The following AGR3 variants were observed in gnomAD, a reference collection of about 807,000 sequenced individuals.
AGR3 encodes the protein anterior gradient protein 3.
AGR3 carries 37 observed loss-of-function variants against 24.5 expected under a neutral mutation model. The ratio of observed to expected loss-of-function variants is 1.51; its 90% CI spans 1.16 to 1.99. The LOEUF is 1.99. AGR3 is among the 30% of genes most tolerant of loss of function. The pLI, the probability that AGR3 is intolerant of heterozygous loss-of-function variation, is 0.00. For missense variants in AGR3, 228 were observed against 191.1 expected, an observed-to-expected ratio of 1.19 and a Z score of -1.14; for synonymous variants, 75 against 61.6, an observed-to-expected ratio of 1.22 and a Z score of -1.02.
chr7:16,868,456 G>A (rs941214431), intron 3 of AGR3, among the ~76,000 whole-genome samples: 3 of 152,130 alleles, frequency 2.0e-5, no homozygotes, highest in Non-Finnish European at 2.9e-5. Context: ...CGCCCAGCCT[G>A]TATGTCTTCT....
At position 16,860,506 on chromosome 7, in the gene AGR3, G is replaced by C; in HGVS notation, c.445C>G (p.Pro149Ala). Residue 149 changes from proline (P) to alanine (A), a missense_variant, in exon 7 of 8, where the codon CCC (proline) becomes GCC (alanine). Coordinates refer to ENST00000310398, the MANE Select transcript of AGR3 (RefSeq NM_176813.5). ...ATCATTTGTGAATACTTACATAGGG[G>C]TAAATCCCGAGGCTCATATGTGTAC... ...RLYTYEPRDL[P>A]LLIENMKKAL... The C allele has an allele frequency of 1.2e-6, 2 of 1,611,146 alleles. No homozygotes were observed. Among genetic ancestry groups the C allele is most frequent in the Non-Finnish European group, 1.7e-6 (2 of 1,177,400 alleles).
At chr7:16,880,467 C>T (rs1484391639) in intron 1 of AGR3, among the ~76,000 whole-genome samples, 1 of 130,570 alleles carries the variant, frequency 7.7e-6, no homozygotes, top group East Asian at 2.3e-4. Context: ...GGACTCCTTT[C>T]CTCTCCCCTC....
chr7:16,864,126 G>T, intron 3 of AGR3: 1 of 469,534 alleles, frequency 2.1e-6, no homozygotes, highest in East Asian at 4.5e-5. Context: ...TTAGTTTTTC[G>T]TGATGAAAGA....
Position 16,864,460 on chromosome 7 carries a change from G to A in AGR3, c.174-1798C>T, listed in dbSNP as rs1375642790. On this transcript the variant is annotated intron_variant, in intron 3 of 7. Coordinates refer to ENST00000310398, the MANE Select transcript of AGR3 (RefSeq NM_176813.5). The stretch of plus-strand genomic sequence containing the variant: ...TGCAGAATGTCCTCCGTTAAGCTGG[G>A]CTTCATCTCCACTGTCAGGGTCGAT... 2.2e-5 allele frequency: 28 copies of A among 1,283,324 alleles called. No homozygotes were observed. In the East Asian group the frequency reaches 6.5e-4, roughly 30 times the overall value. 79.5% of individuals were successfully genotyped at this position (1,283,324 alleles called of 1,614,324 possible).
chr7:16,860,640 T>A, intron 6 of AGR3, 57 bp from the exon 7 acceptor site: 1 of 1,252,890 alleles, frequency 8.0e-7, no homozygotes, highest in Admixed American at 1.9e-5. Context: ...TTTTCTTTAC[T>A]CTTGTAAAAA....
At chr7:16,857,968 T>C (rs375567247), downstream of AGR3, among the ~76,000 whole-genome samples, 2 of 150,970 alleles carry the variant, frequency 1.3e-5, no homozygotes, top group East Asian at 3.9e-4. Context: ...GTTAGGAAAA[T>C]TTTTGCCCAT....
At chr7:16,873,898 A>T (rs957159287) in intron 2 of AGR3, 55 bp from the exon 3 acceptor site, 3 of 1,270,530 alleles carry the variant, frequency 2.4e-6, no homozygotes, top group Non-Finnish European at 3.4e-6. Flanking sequence ...AAGAGCTCGG[A>T]AATGGGTATC....
chr7:16,864,251 A>T, intron 3 of AGR3: 1 of 1,296,470 alleles, frequency 7.7e-7, no homozygotes, highest in Admixed American at 1.9e-5. Context: ...CAATCTGATT[A>T]GCAGGCTGGC....
intron 7 of AGR3, 126 bp from the exon 8 acceptor site, chr7:16,859,757 T>C: frequency 1.8e-6 from 1 of 568,854 alleles, no homozygotes; most frequent in Non-Finnish European, 3.0e-6. Flanking sequence ...AATTCGTCTA[T>C]GACATTAAAG....
chr7:16,865,585 C>A (rs1401688204), intron 3 of AGR3: 1 of 720,506 alleles, frequency 1.4e-6, no homozygotes, highest in African/African-American at 1.8e-5. Context: ...TTCCTTAGAA[C>A]TTCATGTAAA....
intron 2 of AGR3, among the ~76,000 whole-genome samples, chr7:16,877,490 T>G (rs1171052085): frequency 6.6e-6 from 1 of 151,848 alleles, no homozygotes; most frequent in East Asian, 1.9e-4. Context: ...GTGGTAATAC[T>G]GCTGATTTTG....
chr7:16,877,194 A>C (rs999453819), intron 2 of AGR3, among the ~76,000 whole-genome samples: 4 of 149,026 alleles, frequency 2.7e-5, no homozygotes, highest in Non-Finnish European at 5.9e-5. Flanking sequence ...AGTGTTTTAG[A>C]ATTTGAAATT....
chr7:16,870,759 G>A (rs148979419), intron 3 of AGR3, among the ~76,000 whole-genome samples: 2 of 152,076 alleles, frequency 1.3e-5, no homozygotes, highest in Non-Finnish European at 2.9e-5. Context: ...ATTTGTCAGG[G>A]TATATTTTTA....
chr7:16,866,193 G>C, intron 3 of AGR3: 1 of 531,692 alleles, frequency 1.9e-6, no homozygotes, highest in South Asian at 1.5e-5. Context: ...CACACCTAAT[G>C]ATGTGGCAGT....
At chr7:16,855,170 G>A (rs1781539210), downstream of AGR3, among the ~76,000 whole-genome samples, 1 of 152,038 alleles carries the variant, frequency 6.6e-6, no homozygotes, top group African/African-American at 2.4e-5. Flanking sequence ...ACTGTATATT[G>A]TTGGTTACTA....
intron 3 of AGR3, among the ~76,000 whole-genome samples, chr7:16,870,555 A>G (rs954086496): frequency 1.3e-5 from 2 of 152,128 alleles, no homozygotes; most frequent in African/African-American, 4.8e-5. Flanking sequence ...TGTTGGGATT[A>G]ATTTAAAGAA....
chr7:16,880,063 C>T (rs1212048044), intron 1 of AGR3, among the ~76,000 whole-genome samples: 2 of 149,846 alleles, frequency 1.3e-5, no homozygotes, highest in African/African-American at 4.9e-5. Context: ...CCTTCCCCTT[C>T]CTTCCTTCCC....
chr7:16,872,670 G>T (rs1159712298), intron 3 of AGR3, among the ~76,000 whole-genome samples: 2 of 152,106 alleles, frequency 1.3e-5, no homozygotes, highest in South Asian at 2.1e-4. Context: ...GGGACAAACT[G>T]TAGAATAGGA....
At chr7:16,869,881 A>G (rs1162593725) in intron 3 of AGR3, among the ~76,000 whole-genome samples, 3 of 151,776 alleles carry the variant, frequency 2.0e-5, no homozygotes, top group Non-Finnish European at 4.4e-5. Flanking sequence ...CCTAATCCCT[A>G]TTGCTCTCTT....
Sources: allele counts gnomAD v4.1 joint callset (sites outside exome capture counted in the v4.1 genomes callset), GRCh38; gene constraint gnomAD v4.1.1; transcripts MANE v1.5; gene names NCBI Gene and HGNC (gene_info 2026-07-23, HGNC 2026-07-21).